The following ENPEP variants were observed in gnomAD, a reference collection of about 807,000 sequenced individuals.
The protein encoded by ENPEP is AP-A.
ENPEP carries 103 observed loss-of-function variants against 114.5 expected under a neutral mutation model. The ratio of observed to expected loss-of-function variants is 0.90; its 90% CI spans 0.77 to 1.06. The LOEUF is 1.06. ENPEP is among the 50% of genes least tolerant of loss of function. The pLI, the probability that ENPEP is intolerant of heterozygous loss-of-function variation, is 0.00. For synonymous variants in ENPEP, 420 were observed against 422.0 expected (o/e 1.00, Z 0.06); for missense variants, 1,196 against 1,161.3 (o/e 1.03, Z -0.43).
rs60996779 is a variant in ENPEP at position 110,484,037 on chromosome 4, C to T, written c.645-4504C>T. Among the ~76,000 whole-genome samples, 602 of 152,230 alleles carry T rather than the reference C, an allele frequency of 4.0e-3. 3 individuals carry two copies. The highest frequency in any genetic ancestry group is 0.014 in the African/African-American group (568 of 41,528). On this transcript the variant is annotated intron_variant, in intron 1 of 19. Transcript: ENST00000265162. ...GCTTACATTGCCTATAGTGTATATA[C>T]ACCAAGTAATTTTGTTCCAGTATAT...
chr4:110,517,317 G>A (rs1256250877), intron 8 of ENPEP, among the ~76,000 whole-genome samples: 3 of 152,048 alleles, frequency 2.0e-5, no homozygotes, highest in Non-Finnish European at 4.4e-5. Flanking sequence ...AATTACACAT[G>A]TTACGTCATC....
chr4:110,520,346 T>C lies in ENPEP; in HGVS notation c.1707T>C (p.Ser569=), dbSNP rs1430351193. ...RFLLDPRANP[S]QPPSDLGYTW... ...TGTTGGACCCAAGAGCTAACCCTTCTCAGCCCCCTTCAGATCTTGGGTAAG... is the reference window on the plus strand; with the variant it reads ...TGTTGGACCCAAGAGCTAACCCTTCCCAGCCCCCTTCAGATCTTGGGTAAG... Residue 569 remains serine, a synonymous_variant, in exon 10 of 20, where the codon TCT becomes TCC. Coordinates refer to ENST00000265162, the MANE Select transcript of ENPEP (RefSeq NM_001977.4). 6.2e-7 allele frequency: 1 copy of C among 1,614,016 alleles called. No homozygotes were observed. Among genetic ancestry groups the C allele is most frequent in the Non-Finnish European group, 8.5e-7 (1 of 1,179,944 alleles).
At position 110,548,228 on chromosome 4, in the gene ENPEP, A is replaced by G; in HGVS notation, c.2053A>G (p.Arg685Gly). Residue 685 changes from arginine to glycine, a missense_variant, in exon 14 of 20, where the codon AGG becomes GGG. By Grantham distance (125) the Arg-to-Gly change is moderately radical. Transcript: ENST00000265162. ...TTTGAACTTGACCAAGTATCTCAAAAGGGAAGAGAATTTTTTACCATGGCA... is the reference window on the plus strand; with the variant it reads ...TTTGAACTTGACCAAGTATCTCAAAGGGGAAGAGAATTTTTTACCATGGCA... ...VALNLTKYLKREENFLPWQRV... is the reference protein window; with the variant it reads ...VALNLTKYLKGEENFLPWQRV... 6.3e-7 allele frequency: 1 copy of G among 1,585,718 alleles called. No homozygotes were observed. The highest frequency in any genetic ancestry group is 8.6e-7 in the Non-Finnish European group (1 of 1,168,744).
Position 110,542,854 on chromosome 4 carries a change from C to T in ENPEP, c.1911C>T (p.Asp637=), listed in dbSNP as rs767840219. 40 of 1,613,064 alleles carry T rather than the reference C, an allele frequency of 2.5e-5. No homozygotes were observed. The highest frequency in any genetic ancestry group is 1.1e-4 in the South Asian group (10 of 91,052). ...TAAATTATGAAGTAGCAACTTGGGA[C>T]TCGATAGCTACAGCGCTCTCCTTGA... ...YRVNYEVATW[D]SIATALSLNH... The change falls in exon 12 of 20, where the codon GAC becomes GAT. Residue 637 remains aspartate (D), a synonymous_variant. Coordinates refer to ENST00000265162, the MANE Select transcript of ENPEP (RefSeq NM_001977.4).
intron 3 of ENPEP, among the ~76,000 whole-genome samples, chr4:110,492,592 G>A (rs1364950068): frequency 1.3e-5 from 2 of 152,158 alleles, no homozygotes; most frequent in African/African-American, 2.4e-5. Context: ...GGACTCATCC[G>A]TATTCTAACT....
intron 1 of ENPEP, among the ~76,000 whole-genome samples, chr4:110,479,802 AT>A (rs1724244612): frequency 6.6e-6 from 1 of 152,190 alleles, no homozygotes; most frequent in Non-Finnish European, 1.5e-5. Context: ...GACAAGAGAA[AT>A]TTTATCTGAA....
At chr4:110,500,723 G>A (rs373768819) in intron 3 of ENPEP, among the ~76,000 whole-genome samples, 3 of 152,006 alleles carry the variant, frequency 2.0e-5, no homozygotes, top group Non-Finnish European at 2.9e-5. Flanking sequence ...GTTGTCACAC[G>A]CTTAAAAAAT....
chr4:110,497,261 G>C (rs917885983), intron 3 of ENPEP, among the ~76,000 whole-genome samples: 1 of 152,036 alleles, frequency 6.6e-6, no homozygotes, highest in Admixed American at 6.6e-5. Flanking sequence ...GCTTTGCTAA[G>C]TTTTCAGAAT....
In ENPEP at chr4:110,477,016, T is replaced by C. The variant is rs750456480; in HGVS notation, c.602T>C (p.Val201Ala). 1 of 1,614,176 alleles carries C rather than the reference T, an allele frequency of 6.2e-7. No individual in the cohort carries two copies. The highest frequency in any genetic ancestry group is 8.5e-7 in the Non-Finnish European group (1 of 1,180,030). The change falls in exon 1 of 20, where the codon GTG becomes GCG. Residue 201 changes from valine (V) to alanine (A), a missense_variant. Coordinates refer to ENST00000265162, the MANE Select transcript of ENPEP (RefSeq NM_001977.4). ...GCCGGCTGGCTGAACGGCTCCCTCG[T>C]GGGATTTTATAGAACCACCTACACG... Reference protein sequence around the residue: ...EFAGWLNGSLVGFYRTTYTEN... With the variant: ...EFAGWLNGSLAGFYRTTYTEN...
rs182927441 is a variant in ENPEP, at chr4:110,549,528, G to A, written c.2226G>A (p.Lys742=). 2.9e-5 allele frequency: 46 copies of A among 1,613,384 alleles called. No homozygotes were observed. The highest frequency in any genetic ancestry group is 2.5e-4 in the Admixed American group (15 of 59,894). ...GATTTGTGTTTGTTTGTTTTTTAAG[G>A]TTACTCCGTTCCTCCGTGTTAGGGT... ...GWNDAGDHVT[K]LLRSSVLGFA... is the part of the protein sequence containing the mutation. The change falls in exon 16 of 20, where the codon AAG becomes AAA. Residue 742 remains lysine, a splice_region_variant and synonymous_variant. Coordinates refer to ENST00000265162, the MANE Select transcript of ENPEP (RefSeq NM_001977.4).
chr4:110,509,391 T>C (rs1725489383), intron 4 of ENPEP, among the ~76,000 whole-genome samples: 1 of 152,166 alleles, frequency 6.6e-6, no homozygotes, highest in Non-Finnish European at 1.5e-5. Flanking sequence ...ACAAAAGACA[T>C]AAAATTATAG....
intron 19 of ENPEP, 95 bp downstream of exon 19, chr4:110,559,820 GA>G (rs1727619295): frequency 2.1e-6 from 2 of 963,862 alleles, no homozygotes; most frequent in Non-Finnish European, 3.2e-6. Context: ...TACATGTGCA[GA>G]ATGTGCAGGT....
chr4:110,531,377 A>C, intron 11 of ENPEP, 100 bp downstream of exon 11: 1 of 923,420 alleles, frequency 1.1e-6, no homozygotes, highest in Non-Finnish European at 1.5e-6. Context: ...ACTTATGTAA[A>C]CTTCAGCTAA....
chr4:110,499,383 G>A (rs1428096038), intron 3 of ENPEP, among the ~76,000 whole-genome samples: 1 of 152,188 alleles, frequency 6.6e-6, no homozygotes, highest in African/African-American at 2.4e-5. Flanking sequence ...TAGGCAGCAT[G>A]ATATGTGAAA....
chr4:110,526,802 T>C (rs976210637), intron 10 of ENPEP, among the ~76,000 whole-genome samples: 3 of 152,120 alleles, frequency 2.0e-5, no homozygotes, highest in Admixed American at 2.0e-4. Context: ...TGATAGTTGA[T>C]GGAAACAATA....
chr4:110,535,852 G>A (rs148753386), intron 11 of ENPEP, among the ~76,000 whole-genome samples: 5 of 152,238 alleles, frequency 3.3e-5, no homozygotes, highest in African/African-American at 1.2e-4. Context: ...GCCAGGCATA[G>A]CCATCAACAC....
In ENPEP at chr4:110,562,115, G is replaced by A. The variant is rs959019682; in HGVS notation, c.*557G>A. 3 of 152,246 alleles carry A rather than the reference G, an allele frequency of 2.0e-5. No individual in the cohort carries two copies. The highest frequency in any genetic ancestry group is 2.9e-5 in the Non-Finnish European group (2 of 68,006). The allele number at this position is 152,246 out of a possible 1,614,324, so 9.4% of individuals were successfully genotyped here. A position where few individuals can be genotyped will look rare whatever the true frequency, so the allele number is the denominator to read the frequency against. On this transcript the variant is annotated 3_prime_UTR_variant, in exon 20 of 20. Transcript: ENST00000265162. ...TTTTACTTGAGGATCATATGAATTA[G>A]CCAAAAGAATGGCTGACTGTTGCCT... is the stretch of plus-strand genomic sequence containing the variant.
intron 11 of ENPEP, among the ~76,000 whole-genome samples, chr4:110,537,513 T>C (rs1726682276): frequency 6.6e-6 from 1 of 152,208 alleles, no homozygotes; most frequent in Admixed American, 6.5e-5. Context: ...TCTAGCTCTC[T>C]TGCTATTTTC....
Position 110,476,933 on chromosome 4 carries a change from G to A in ENPEP, c.519G>A (p.Ala173=), listed in dbSNP as rs373421438. 5.6e-6 allele frequency: 9 copies of A among 1,614,176 alleles called. No individual in the cohort carries two copies. In the East Asian group the frequency reaches 1.3e-4, roughly 24 times the overall value. The part of the protein sequence containing the change: ...YKKQEYVVVE[A]EEELTPSSGD... ...AGCAGGAGTACGTGGTGGTCGAGGCGGAGGAAGAGCTTACCCCCAGCAGTG... is the reference window on the plus strand; with the variant it reads ...AGCAGGAGTACGTGGTGGTCGAGGCAGAGGAAGAGCTTACCCCCAGCAGTG... The change falls in exon 1 of 20, where the codon GCG becomes GCA. Residue 173 remains alanine, a synonymous_variant. Transcript: ENST00000265162.
Sources: gnomAD v4.1 joint callset for allele counts (sites outside exome capture counted in the v4.1 genomes callset) on GRCh38, gnomAD v4.1.1 for gene constraint, MANE v1.5 for transcripts, NCBI Gene and HGNC (gene_info 2026-07-23, HGNC 2026-07-21) for gene names.